Variants in PDE4B observed in about 807,000 individuals in gnomAD.
The protein encoded by PDE4B is 3',5'-cyclic-AMP phosphodiesterase 4B.
Under a neutral mutation model 82.2 loss-of-function variants are expected in PDE4B, and 20 were observed. The observed-to-expected ratio is 0.24, with a 90% CI of 0.17 to 0.35. The LOEUF (loss-of-function observed/expected upper bound fraction) is 0.35, where lower values mean the gene tolerates loss of function less well. PDE4B is among the 10% of genes least tolerant of loss of function. PDE4B has a pLI of 1.00. For synonymous variants in PDE4B, 320 were observed against 318.9 expected (o/e 1.00, Z -0.04); for missense variants, 655 against 907.2 (o/e 0.72, Z 3.57).
chr1:66,256,069 C>A (rs560236467), intron 4 of PDE4B, among the ~76,000 whole-genome samples: 2 of 152,152 alleles, frequency 1.3e-5, no homozygotes, highest in Admixed American at 6.5e-5. Context: ...CCCAGCTACT[C>A]CAGAGTCTGA....
chr1:66,073,117 C>T (rs923751591), intron 3 of PDE4B, among the ~76,000 whole-genome samples: 3 of 151,908 alleles, frequency 2.0e-5, no homozygotes, highest in East Asian at 1.9e-4. Flanking sequence ...CCAGGCCTGC[C>T]GGATCTTGTG....
chr1:66,229,235 T>A lies in PDE4B; in HGVS notation c.282-18225T>A, dbSNP rs767195569. On this transcript the variant is annotated intron_variant, in intron 3 of 16. Transcript: ENST00000341517. The stretch of plus-strand genomic sequence containing the variant: ...CGTGTTAGCCAGGATGGTCTTGATC[T>A]CCTGACCTCGTGATCCGCCCGCCTC... 1.1e-3 allele frequency among the ~76,000 whole-genome samples: 167 copies of A among 151,746 alleles called. 1 individual carries two copies. Among genetic ancestry groups the A allele is most frequent in the Admixed American group, 2.7e-3 (41 of 15,260 alleles).
intron 1 of PDE4B, among the ~76,000 whole-genome samples, chr1:65,818,595 C>A (rs1645912161): frequency 6.6e-6 from 1 of 150,982 alleles, no homozygotes; most frequent in Non-Finnish European, 1.5e-5. Flanking sequence ...CAGAACCACG[C>A]CTTTCTCAAT....
At chr1:66,363,114 G>A in intron 10 of PDE4B, 54 bp from the exon 11 acceptor site, 2 of 1,187,538 alleles carry the variant, frequency 1.7e-6, no homozygotes, top group Non-Finnish European at 2.5e-6. Flanking sequence ...AAAAAATGAG[G>A]CATGTTAGCA....
intron 1 of PDE4B, among the ~76,000 whole-genome samples, chr1:65,820,859 G>C (rs1387458956): frequency 6.6e-6 from 1 of 152,198 alleles, no homozygotes; most frequent in Admixed American, 6.5e-5. Flanking sequence ...CTAGGAAAGA[G>C]CAGGAAAAGT....
chr1:66,308,667 T>A (rs558550), intron 7 of PDE4B, among the ~76,000 whole-genome samples: 52,554 of 151,990 alleles, frequency 0.35, 9,523 homozygotes, highest in Non-Finnish European at 0.4. Flanking sequence ...TTCATTCCTG[T>A]TGTTTCATGC....
intron 8 of PDE4B, among the ~76,000 whole-genome samples, chr1:66,335,342 C>G (rs1312439344): frequency 6.6e-6 from 1 of 152,174 alleles, no homozygotes; most frequent in Non-Finnish European, 1.5e-5. Context: ...TTGTGTTATG[C>G]TGAGGGGTAT....
intron 13 of PDE4B, 152 bp from the exon 14 acceptor site, chr1:66,367,544 G>A: frequency 1.7e-6 from 1 of 602,730 alleles, no homozygotes; most frequent in Non-Finnish European, 2.8e-6. Context: ...TCTGTTTGTA[G>A]AGGGCCACTG....
rs531698062 is a variant in PDE4B, at chr1:66,204,169, G to A, written c.282-43291G>A. 1.2e-4 allele frequency among the ~76,000 whole-genome samples: 18 copies of A among 152,286 alleles called. No individual in the cohort carries two copies. The South Asian group carries it at 2.1e-3, about 18-fold the overall frequency. ...GGTGGCTGCAGAACAGCAGATTTTCGTGAACCGCAAATGCTGCTGCCTGAT... is the reference window on the plus strand; with the variant it reads ...GGTGGCTGCAGAACAGCAGATTTTCATGAACCGCAAATGCTGCTGCCTGAT... On this transcript the variant is annotated intron_variant, in intron 3 of 16. Transcript: ENST00000341517.
In PDE4B at chr1:65,935,499, C is replaced by G. The variant is rs533388076; in HGVS notation, c.281+16664C>G. Among the ~76,000 whole-genome samples, 4 of 152,158 alleles carry G rather than the reference C, an allele frequency of 2.6e-5. No individual in the cohort carries two copies. In the South Asian group the frequency reaches 8.3e-4, roughly 32 times the overall value. ...ATGTTACTATACACTACTATAGATT[C>G]TATAAGCACTGTACACTTAGGCTAC... On this transcript the variant is annotated intron_variant, in intron 3 of 16. Transcript: ENST00000341517.
chr1:66,152,193 T>C (rs1176692772), intron 3 of PDE4B, among the ~76,000 whole-genome samples: 1 of 152,196 alleles, frequency 6.6e-6, no homozygotes, highest in Non-Finnish European at 1.5e-5. Flanking sequence ...CTAGTGATCA[T>C]AATAACAGCA....
At chr1:66,218,008 A>G (rs1650638351) in intron 3 of PDE4B, among the ~76,000 whole-genome samples, 1 of 152,114 alleles carries the variant, frequency 6.6e-6, no homozygotes, top group South Asian at 2.1e-4. Flanking sequence ...TAAGCTGACA[A>G]CATTATAGCA....
intron 3 of PDE4B, among the ~76,000 whole-genome samples, chr1:66,111,245 A>G (rs774662768): frequency 1.1e-4 from 16 of 152,108 alleles, no homozygotes; most frequent in Non-Finnish European, 1.8e-4. Context: ...AAGAACTGAC[A>G]TATTTTCTTA....
intron 3 of PDE4B, among the ~76,000 whole-genome samples, chr1:66,224,811 G>T (rs1196926744): frequency 6.6e-6 from 1 of 152,150 alleles, no homozygotes; most frequent in Non-Finnish European, 1.5e-5. Flanking sequence ...ATGTTACTCT[G>T]CAATTTTATT....
intron 3 of PDE4B, among the ~76,000 whole-genome samples, chr1:66,165,237 GT>G (rs1400946006): frequency 6.6e-6 from 1 of 152,122 alleles, no homozygotes; most frequent in Admixed American, 6.5e-5. Flanking sequence ...AGTTTGAAAA[GT>G]ATGGTTTCTG....
rs1466586382 is a variant in PDE4B at position 66,373,905 on chromosome 1, A to G, written c.*1227A>G. The G allele has an allele frequency of 6.6e-6, 1 of 152,600 alleles. No individual in the cohort carries two copies. Among genetic ancestry groups the G allele is most frequent in the Non-Finnish European group, 1.5e-5 (1 of 68,044 alleles). 9.5% of individuals were successfully genotyped at this position (152,600 alleles called of 1,614,324 possible). The stretch of plus-strand genomic sequence containing the variant: ...TCCCTGCCTGAGTTGCTACTTCTGC[A>G]CAACCCCTTTATGAACCAGTTTTGG... On this transcript the variant is annotated 3_prime_UTR_variant, in exon 17 of 17. Transcript: ENST00000341517.
At chr1:66,009,947 A>ATCTATCTG (rs1652386962) in intron 3 of PDE4B, among the ~76,000 whole-genome samples, 2 of 144,570 alleles carry the variant, frequency 1.4e-5, no homozygotes, top group Non-Finnish European at 3.0e-5. Flanking sequence ...CTATCTATCT[A>ATCTATCTG]TCTATCATCT....
chr1:65,845,531 A>G (rs1186546765), intron 1 of PDE4B, among the ~76,000 whole-genome samples: 1 of 152,162 alleles, frequency 6.6e-6, no homozygotes, highest in Non-Finnish European at 1.5e-5. Context: ...TGGCTCTGAG[A>G]TACCGTCAAT....
At chr1:65,923,730 GTCTT>G (rs1160550012) in intron 3 of PDE4B, among the ~76,000 whole-genome samples, 12 of 152,212 alleles carry the variant, frequency 7.9e-5, no homozygotes, top group African/African-American at 2.2e-4. Flanking sequence ...CACTCTAATT[GTCTT>G]TCTTATAGAT....
Sources: gnomAD v4.1 joint callset for allele counts (sites outside exome capture counted in the v4.1 genomes callset) on GRCh38, gnomAD v4.1.1 for gene constraint, MANE v1.5 for transcripts, NCBI Gene and HGNC (gene_info 2026-07-23, HGNC 2026-07-21) for gene names.